KIAA1958: variants seen among roughly 807,000 people sequenced by gnomAD.
The protein encoded by KIAA1958 is uncharacterized protein KIAA1958.
A neutral mutation model predicts 47.2 loss-of-function variants in KIAA1958; 14 were observed. The observed-to-expected ratio is 0.30, with a 90% CI of 0.20 to 0.46. The LOEUF (loss-of-function observed/expected upper bound fraction) is 0.46. Ranked by LOEUF, KIAA1958 falls within the 20% of genes least tolerant of loss-of-function variation. The pLI, the probability that KIAA1958 is intolerant of heterozygous loss-of-function variation, is 1.00. For synonymous variants in KIAA1958, 354 were observed against 353.3 expected, an observed-to-expected ratio of 1.00 and a Z score of -0.02; for missense variants, 803 against 909.2, an observed-to-expected ratio of 0.88 and a Z score of 1.50.
chr9:112,583,104 A>G (rs530219752), intron 2 of KIAA1958, among the ~76,000 whole-genome samples: 6 of 152,060 alleles, frequency 3.9e-5, no homozygotes, highest in African/African-American at 1.4e-4. Context: ...AATGTTGAGC[A>G]CTCTTCCTAT....
chr9:112,525,555 A>C (rs1306666287), intron 1 of KIAA1958, among the ~76,000 whole-genome samples: 6 of 152,172 alleles, frequency 3.9e-5, no homozygotes, highest in Non-Finnish European at 8.8e-5. Flanking sequence ...TAATTTTGCT[A>C]TTCCTAATGA....
Position 112,575,087 on chromosome 9 carries a change from A to G in KIAA1958, c.1007A>G (p.Gln336Arg). Residue 336 changes from glutamine (Q) to arginine (R), a missense_variant, in exon 2 of 4, where the codon CAA becomes CGA. Coordinates refer to ENST00000337530, the MANE Select transcript of KIAA1958 (RefSeq NM_133465.4). Reference protein sequence around the residue: ...SALQLPGQDEQVASEEFLSHL... With the variant: ...SALQLPGQDERVASEEFLSHL... ...CTGCAGCTGCCTGGACAGGATGAGCAAGTTGCCTCTGAAGAGTTCCTGTCC... is the reference window on the plus strand; with the variant it reads ...CTGCAGCTGCCTGGACAGGATGAGCGAGTTGCCTCTGAAGAGTTCCTGTCC... The G allele has an allele frequency of 6.2e-7, 1 of 1,612,500 alleles. No homozygotes were observed. The highest frequency in any genetic ancestry group is 8.5e-7 in the Non-Finnish European group (1 of 1,180,008).
intron 2 of KIAA1958, among the ~76,000 whole-genome samples, chr9:112,636,213 G>A (rs538853149): frequency 6.7e-6 from 1 of 150,282 alleles, no homozygotes; most frequent in African/African-American, 2.4e-5. Flanking sequence ...TTATCTTCTT[G>A]TAATTGATTT....
rs916648494 is a variant in KIAA1958, at chr9:112,506,454, T to TCAAAA, written c.-25+19352_-25+19356dup. 2.1e-3 allele frequency among the ~76,000 whole-genome samples: 314 copies of TCAAAA among 152,278 alleles called. 2 individuals carry two copies. The highest frequency in any genetic ancestry group is 7.3e-3 in the African/African-American group (302 of 41,546). On this transcript the variant is annotated intron_variant, in intron 1 of 3. Transcript: ENST00000337530. ...CTGGGTGACAGAGCGAGACTCTGTT[T>TCAAAA]CAAAACAAAACAAAACAAAAAACAA...
intron 2 of KIAA1958, among the ~76,000 whole-genome samples, chr9:112,589,734 A>T (rs977628726): frequency 6.6e-6 from 1 of 152,214 alleles, no homozygotes; most frequent in African/African-American, 2.4e-5. Context: ...TTTCCAGAGC[A>T]GGTAGAGAGC....
At chr9:112,492,226 T>A (rs1210066996) in intron 1 of KIAA1958, among the ~76,000 whole-genome samples, 2 of 152,208 alleles carry the variant, frequency 1.3e-5, no homozygotes, top group Admixed American at 1.3e-4. Context: ...GCTCAAAGTG[T>A]TGGCAGGGTT....
At chr9:112,519,879 T>TA (rs1284262084) in intron 1 of KIAA1958, among the ~76,000 whole-genome samples, 4 of 152,202 alleles carry the variant, frequency 2.6e-5, no homozygotes, top group Admixed American at 2.6e-4. Context: ...GTTGTATTAT[T>TA]ATAGCATTTA....
chr9:112,568,097 T>C (rs553291742), intron 1 of KIAA1958, among the ~76,000 whole-genome samples: 16 of 152,254 alleles, frequency 1.1e-4, no homozygotes, highest in Admixed American at 9.2e-4. Flanking sequence ...CATAGGTCAC[T>C]TTATAAAATA....
At chr9:112,644,550 GT>G (rs1836945866) in intron 2 of KIAA1958, among the ~76,000 whole-genome samples, 1 of 152,016 alleles carries the variant, frequency 6.6e-6, no homozygotes, top group Non-Finnish European at 1.5e-5. Flanking sequence ...ATTAAGCCTG[GT>G]TTTAGCAGAT....
At chr9:112,607,346 G>GA (rs374001653) in intron 2 of KIAA1958, among the ~76,000 whole-genome samples, 56 of 144,440 alleles carry the variant, frequency 3.9e-4, no homozygotes, top group Admixed American at 8.3e-4. Flanking sequence ...AAAGAAAAAA[G>GA]AAAAAAAAAA....
chr9:112,560,575 A>T (rs1430529764), intron 1 of KIAA1958, among the ~76,000 whole-genome samples: 1 of 152,164 alleles, frequency 6.6e-6, no homozygotes, highest in Non-Finnish European at 1.5e-5. Context: ...TATATTACAA[A>T]TTATTTTAAA....
chr9:112,655,450 G>A (rs985517541), intron 3 of KIAA1958, among the ~76,000 whole-genome samples: 2 of 152,044 alleles, frequency 1.3e-5, no homozygotes, highest in Admixed American at 6.6e-5. Flanking sequence ...TCATTTTTAC[G>A]TTCTACAATA....
chr9:112,605,002 T>C (rs1257302288), intron 2 of KIAA1958, among the ~76,000 whole-genome samples: 1 of 144,910 alleles, frequency 6.9e-6, no homozygotes, highest in African/African-American at 2.6e-5. Context: ...AACATATTTT[T>C]ATATGTTATA....
At chr9:112,502,581 A>G (rs560639037) in intron 1 of KIAA1958, among the ~76,000 whole-genome samples, 193 of 152,374 alleles carry the variant, frequency 1.3e-3, no homozygotes, top group African/African-American at 4.4e-3. Context: ...GCAATGTGTC[A>G]ATATATTAAG....
intron 1 of KIAA1958, among the ~76,000 whole-genome samples, chr9:112,560,955 C>T (rs180845807): frequency 6.6e-6 from 1 of 152,042 alleles, no homozygotes; most frequent in East Asian, 1.9e-4. Context: ...AATTCTTCAG[C>T]AATTAACTTA....
chr9:112,560,190 TTC>T (rs1210189076), intron 1 of KIAA1958, among the ~76,000 whole-genome samples: 2 of 133,088 alleles, frequency 1.5e-5, no homozygotes, highest in African/African-American at 5.6e-5. Context: ...TGCTTTTTTT[TTC>T]TTTTTCTTTT....
intron 1 of KIAA1958, among the ~76,000 whole-genome samples, chr9:112,506,554 T>C (rs1203622057): frequency 6.6e-6 from 1 of 152,222 alleles, no homozygotes; most frequent in Non-Finnish European, 1.5e-5. Flanking sequence ...TGTTACGTGT[T>C]TATACATGTT....
Position 112,659,509 on chromosome 9 carries a change from G to C in KIAA1958, c.1591G>C (p.Val531Leu). 1 of 1,613,416 alleles carries C rather than the reference G, an allele frequency of 6.2e-7. No homozygotes were observed. The highest frequency in any genetic ancestry group is 8.5e-7 in the Non-Finnish European group (1 of 1,179,692). Residue 531 changes from valine (V) to leucine (L), a missense_variant, in exon 4 of 4, where the codon GTC (valine) becomes CTC (leucine). Val to Leu is a conservative substitution (Grantham distance 32). Coordinates refer to ENST00000337530, the MANE Select transcript of KIAA1958 (RefSeq NM_133465.4). The stretch of plus-strand genomic sequence containing the variant: ...GTCGGGCGCGCGTTCTCGCAACATC[G>C]TCTACTTCTCCCTTTCTGACGAGGA... Reference protein sequence around the residue: ...GMSGARSRNIVYFSLSDEEEM... With the variant: ...GMSGARSRNILYFSLSDEEEM...
chr9:112,645,972 A>G lies in KIAA1958; in HGVS notation c.1344+150A>G, dbSNP rs1836968441. On this transcript the variant is annotated intron_variant, in intron 3 of 3. Coordinates refer to ENST00000337530, the MANE Select transcript of KIAA1958 (RefSeq NM_133465.4). ...CATGAAATAGATAAAATCCACACACAAAGCAGAATTTAACAAGCGTTTTAT... is the reference window on the plus strand; with the variant it reads ...CATGAAATAGATAAAATCCACACACGAAGCAGAATTTAACAAGCGTTTTAT... 3 of 512,048 alleles carry G rather than the reference A, an allele frequency of 5.9e-6. No individual in the cohort carries two copies. In the South Asian group the frequency reaches 1.7e-4, roughly 29 times the overall value. 31.7% of individuals were successfully genotyped at this position (512,048 alleles called of 1,614,324 possible).
Sources: gnomAD v4.1 joint callset for allele counts (sites outside exome capture counted in the v4.1 genomes callset) on GRCh38, gnomAD v4.1.1 for gene constraint, MANE v1.5 for transcripts, NCBI Gene and HGNC (gene_info 2026-07-23, HGNC 2026-07-21) for gene names.